The following SRGAP3 variants were observed in gnomAD, a reference collection of about 807,000 sequenced individuals.
The protein encoded by SRGAP3 is SLIT-ROBO Rho GTPase-activating protein 3.
Under a neutral mutation model 121.1 loss-of-function variants are expected in SRGAP3, and 39 were observed. The observed-to-expected ratio is 0.32, with a 90% CI of 0.25 to 0.42. SRGAP3 has a LOEUF of 0.42. Ranked by LOEUF, SRGAP3 falls within the 10% of genes least tolerant of loss-of-function variation. The pLI, the probability that SRGAP3 is intolerant of heterozygous loss-of-function variation, is 1.00. For missense variants in SRGAP3, 1,213 were observed against 1,470.6 expected (o/e 0.82, Z 2.86); for synonymous variants, 601 against 570.0 (o/e 1.05, Z -0.77).
chr3:9,172,869 G>A (rs902789849), intron 1 of SRGAP3, among the ~76,000 whole-genome samples: 18 of 152,234 alleles, frequency 1.2e-4, no homozygotes, highest in African/African-American at 3.9e-4. Flanking sequence ...GCCCTGGTGC[G>A]GGGCCATTGC....
rs1307622220 is a variant in SRGAP3, at chr3:9,249,530, C to T, written c.-579G>A. The T allele has an allele frequency of 4.1e-6, 1 of 243,248 alleles. No individual in the cohort carries two copies. The highest frequency in any genetic ancestry group is 8.1e-6 in the Non-Finnish European group (1 of 123,364). The allele number at this position is 243,248 out of a possible 1,614,324, so 15.1% of individuals were successfully genotyped here. A position where few individuals can be genotyped will look rare whatever the true frequency, so the allele number is the denominator to read the frequency against. ...GGTTGCCAAAGGGCCGGTCATCTCG[C>T]ATCCTCCCTCCCTTCGGTGCCTCTG... On this transcript the variant is annotated 5_prime_UTR_variant, in exon 1 of 22. It removes an upstream start codon present in the reference 5' UTR. Coordinates refer to ENST00000383836, the MANE Select transcript of SRGAP3 (RefSeq NM_014850.4).
intron 3 of SRGAP3, among the ~76,000 whole-genome samples, chr3:9,296,739 GATTT>G (rs963946338): frequency 2.0e-5 from 3 of 152,188 alleles, no homozygotes; most frequent in African/African-American, 7.2e-5. Flanking sequence ...CTACCAAATA[GATTT>G]ATTGTGAGAA....
At chr3:9,322,670 G>A (rs372127761) in intron 3 of SRGAP3, among the ~76,000 whole-genome samples, 2 of 151,828 alleles carry the variant, frequency 1.3e-5, no homozygotes, top group East Asian at 1.9e-4. Flanking sequence ...ATCTGGGGTG[G>A]AACAGCTTCA....
At chr3:9,201,949 G>A (rs761463689) in intron 1 of SRGAP3, among the ~76,000 whole-genome samples, 14 of 152,158 alleles carry the variant, frequency 9.2e-5, no homozygotes, top group Non-Finnish European at 1.9e-4. Context: ...TGCATTTTAC[G>A]AATGGCAAGG....
Position 9,058,326 on chromosome 3 carries a change from G to A in SRGAP3, c.948C>T (p.His316=), listed in dbSNP as rs1945937725. The A allele has an allele frequency of 6.2e-7, 1 of 1,614,230 alleles. No homozygotes were observed. Among genetic ancestry groups the A allele is most frequent in the East Asian group, 2.2e-5 (1 of 44,888 alleles). Residue 316 remains histidine, a synonymous_variant, in exon 7 of 22, where the codon CAC becomes CAT. Coordinates refer to ENST00000383836, the MANE Select transcript of SRGAP3 (RefSeq NM_014850.4). The part of the protein sequence containing the change: ...VDNLDSRSDK[H]TVMDMCNQVF... ...CTTGATTGCACATGTCCATGACTGT[G>A]TGCTTGTCACTTCGGGAATCCAGGT... is the stretch of plus-strand genomic sequence containing the variant.
chr3:9,032,872 C>A, intron 11 of SRGAP3, 120 bp from the exon 12 acceptor site: 4 of 878,262 alleles, frequency 4.6e-6, no homozygotes, highest in South Asian at 3.0e-5. Context: ...AAGCCCCTGA[C>A]CCCCCGCCAA....
Position 9,309,152 on chromosome 3 carries a change from G to A in SRGAP3, n.442+16858C>T, listed in dbSNP as rs959634801. Among the ~76,000 whole-genome samples the A allele has an allele frequency of 3.9e-5, 6 of 152,322 alleles. No homozygotes were observed. The East Asian group carries it at 1.2e-3, about 29-fold the overall frequency. On this transcript the variant is annotated intron_variant and non_coding_transcript_variant, in intron 3 of 3. Transcript: ENST00000490889. ...AGACCAGGCAAGACAACTGAATGAT[G>A]AGAAACCATGTGGGGTGAGACCCAG... is the stretch of plus-strand genomic sequence containing the variant.
chr3:9,137,122 T>A (rs1310447272), intron 1 of SRGAP3, among the ~76,000 whole-genome samples: 1 of 152,146 alleles, frequency 6.6e-6, no homozygotes, highest in Non-Finnish European at 1.5e-5. Flanking sequence ...AGAGGTGAAA[T>A]GACATGCCTA....
At chr3:9,060,915 TCTGACGGTC>T (rs1323526282) in intron 5 of SRGAP3, among the ~76,000 whole-genome samples, 12 of 152,104 alleles carry the variant, frequency 7.9e-5, no homozygotes, top group African/African-American at 2.9e-4. Flanking sequence ...AGCAGCAGCC[TCTGACGGTC>T]CTTGCTAGGG....
chr3:9,287,065 C>T (rs575673227), intron 3 of SRGAP3, among the ~76,000 whole-genome samples: 22 of 137,044 alleles, frequency 1.6e-4, no homozygotes, highest in African/African-American at 5.7e-4. Flanking sequence ...ATTTATGGCT[C>T]ACTGCAGCCT....
At chr3:9,049,433 T>A in intron 9 of SRGAP3, 1 of 456,074 alleles carries the variant, frequency 2.2e-6, no homozygotes, top group Non-Finnish European at 4.4e-6. Flanking sequence ...CATCAGAGTC[T>A]TGGATGGCAA....
chr3:9,063,124 CTTTTTTTTTTTTTTT>C (rs766958753), intron 5 of SRGAP3, among the ~76,000 whole-genome samples: 4 of 80,014 alleles, frequency 5.0e-5, no homozygotes, highest in Non-Finnish European at 7.2e-5. Flanking sequence ...TAGAGACAAT[CTTTTTTTTTTTTTTT>C]TTTTTTTTTT....
chr3:9,117,732 T>C (rs1948854552), intron 2 of SRGAP3, among the ~76,000 whole-genome samples: 1 of 151,994 alleles, frequency 6.6e-6, no homozygotes, highest in African/African-American at 2.4e-5. Flanking sequence ...TTGCATGGAG[T>C]GTCACTACTA....
chr3:9,324,526 T>C (rs1955485378), intron 3 of SRGAP3, among the ~76,000 whole-genome samples: 1 of 151,956 alleles, frequency 6.6e-6, no homozygotes, highest in Admixed American at 6.5e-5. Context: ...TTCTAGGATC[T>C]ATGTTTCTTT....
chr3:9,084,141 G>A (rs1947356637), intron 3 of SRGAP3, among the ~76,000 whole-genome samples: 2 of 152,128 alleles, frequency 1.3e-5, no homozygotes, highest in Non-Finnish European at 2.9e-5. Context: ...GGTCCTGCCT[G>A]CAAACTTTCC....
chr3:8,994,933 C>A (rs1942299004), intron 18 of SRGAP3, among the ~76,000 whole-genome samples: 1 of 152,086 alleles, frequency 6.6e-6, no homozygotes, highest in Non-Finnish European at 1.5e-5. Context: ...AATTTTTAAT[C>A]TTTTGAGAGG....
intron 1 of SRGAP3, among the ~76,000 whole-genome samples, chr3:9,343,013 C>T (rs747908653): frequency 6.6e-6 from 1 of 152,244 alleles, no homozygotes; most frequent in South Asian, 2.1e-4. Flanking sequence ...GATCTTCTCA[C>T]TGGACTCCTT....
chr3:9,268,615 A>T (rs2125259450), intron 3 of SRGAP3, among the ~76,000 whole-genome samples: 1 of 152,254 alleles, frequency 6.6e-6, no homozygotes, highest in Non-Finnish European at 1.5e-5. Context: ...GCAGTCTTGT[A>T]AGAGACCCAC....
chr3:9,047,372 C>A lies in SRGAP3; in HGVS notation c.1408+19G>T. The A allele has an allele frequency of 4.3e-6, 7 of 1,613,484 alleles. No individual in the cohort carries two copies. In the South Asian group the frequency reaches 7.7e-5, roughly 18 times the overall value. ...GGGGAACGCAGCACCTCCCAGAGGG[C>A]CTCCACCAGCCCACTCACCTTCGCC... is the stretch of plus-strand genomic sequence containing the variant. On this transcript the variant is annotated intron_variant, in intron 10 of 21. Coordinates refer to ENST00000383836, the MANE Select transcript of SRGAP3 (RefSeq NM_014850.4).
Sources: allele counts gnomAD v4.1 joint callset (sites outside exome capture counted in the v4.1 genomes callset), GRCh38; gene constraint gnomAD v4.1.1; transcripts MANE v1.5; gene names NCBI Gene and HGNC (gene_info 2026-07-23, HGNC 2026-07-21).